Variants in RPSA2 observed in about 807,000 individuals in gnomAD.
RPSA2 encodes the protein ribosomal protein SA 2.
chr19:23,840,085 T>C, the RPSA2 span, among the ~76,000 whole-genome samples: 2 of 149,862 alleles, frequency 1.3e-5, no homozygotes, highest in East Asian at 3.9e-4. Flanking sequence ...TGAGAAGGAA[T>C]CAGAGAAGAG....
the RPSA2 span, among the ~76,000 whole-genome samples, chr19:23,766,354 T>A: frequency 1.3e-5 from 2 of 151,546 alleles, no homozygotes; most frequent in Non-Finnish European, 2.9e-5. Flanking sequence ...TTTAAAAAAA[T>A]TTTACCTCTT....
At chr19:23,806,001 G>GTCTATCTA in the RPSA2 span, among the ~76,000 whole-genome samples, 433 of 132,772 alleles carry the variant, frequency 3.3e-3, 3 homozygotes, top group African/African-American at 0.012. Flanking sequence ...CTATCTGTCT[G>GTCTATCTA]TCTATCTATC....
At chr19:23,816,211 T>G in the RPSA2 span, among the ~76,000 whole-genome samples, 1 of 152,140 alleles carries the variant, frequency 6.6e-6, no homozygotes, top group Non-Finnish European at 1.5e-5. Context: ...CATGGCTCAC[T>G]GCAGCCTCAA....
chr19:23,857,545 C>T, the RPSA2 span, among the ~76,000 whole-genome samples: 1 of 131,660 alleles, frequency 7.6e-6, no homozygotes, highest in East Asian at 2.4e-4. Context: ...GGCTAGAGTG[C>T]AGTGGTTCAA....
At chr19:23,824,073 A>G in the RPSA2 span, among the ~76,000 whole-genome samples, 1 of 152,326 alleles carries the variant, frequency 6.6e-6, no homozygotes, top group South Asian at 2.1e-4. Context: ...GCCCTGGACA[A>G]GTACAGGGCT....
chr19:23,810,880 A>G, the RPSA2 span, among the ~76,000 whole-genome samples: 2 of 152,194 alleles, frequency 1.3e-5, no homozygotes, highest in African/African-American at 4.8e-5. Flanking sequence ...TCTGTAGCCA[A>G]CAACAGTAGT....
the RPSA2 span, among the ~76,000 whole-genome samples, chr19:23,765,126 A>G: frequency 6.6e-6 from 1 of 152,194 alleles, no homozygotes; most frequent in Non-Finnish European, 1.5e-5. Flanking sequence ...CTATTTGTCT[A>G]AAAAGCTAAC....
At chr19:23,774,355 C>T in the RPSA2 span, among the ~76,000 whole-genome samples, 23 of 152,166 alleles carry the variant, frequency 1.5e-4, no homozygotes, top group African/African-American at 5.3e-4. Context: ...ACTCTCTTCT[C>T]CTGCCTGTTC....
chr19:23,761,078 GTA>G, the RPSA2 span, among the ~76,000 whole-genome samples: 1 of 32,710 alleles, frequency 3.1e-5, no homozygotes, highest in African/African-American at 1.0e-4. Context: ...TTGTGTGTGT[GTA>G]TATATATATG....
chr19:23,788,768 G>C, the RPSA2 span, among the ~76,000 whole-genome samples: 1 of 152,128 alleles, frequency 6.6e-6, no homozygotes, highest in Non-Finnish European at 1.5e-5. Context: ...GGGATGGGAA[G>C]CTCCTCCCTG....
chr19:23,819,823 A>C, the RPSA2 span, among the ~76,000 whole-genome samples: 1 of 152,028 alleles, frequency 6.6e-6, no homozygotes, highest in Non-Finnish European at 1.5e-5. Context: ...TAGCTGTTTG[A>C]GTGTCTGGTT....
chr19:23,808,272 A>AATTTTTTTTTTTT, the RPSA2 span, among the ~76,000 whole-genome samples: 9 of 126,928 alleles, frequency 7.1e-5, 2 homozygotes, highest in East Asian at 2.3e-4. Context: ...TACAAAATTA[A>AATTTTTTTTTTTT]TTTTTTTTTT....
the RPSA2 span, among the ~76,000 whole-genome samples, chr19:23,854,565 A>G: frequency 6.6e-6 from 1 of 152,160 alleles, no homozygotes; most frequent in Non-Finnish European, 1.5e-5. Context: ...TTCTGTGGCA[A>G]GGGATTTCCA....
the RPSA2 span, among the ~76,000 whole-genome samples, chr19:23,790,928 A>G: frequency 6.6e-6 from 1 of 152,156 alleles, no homozygotes; most frequent in African/African-American, 2.4e-5. Context: ...CCCTGCAGCC[A>G]TAAGATGGCA....
the RPSA2 span, among the ~76,000 whole-genome samples, chr19:23,789,453 C>G: frequency 6.6e-6 from 1 of 152,184 alleles, no homozygotes; most frequent in Non-Finnish European, 1.5e-5. Context: ...GACTCTTCTG[C>G]TTACTCTCTA....
chr19:23,861,707 C>T, the RPSA2 span, among the ~76,000 whole-genome samples: 1 of 152,140 alleles, frequency 6.6e-6, no homozygotes, highest in Admixed American at 6.5e-5. Flanking sequence ...ACACCAATCT[C>T]CATTCCTGAC....
chr19:23,787,201 C>G, the RPSA2 span, among the ~76,000 whole-genome samples: 3 of 152,080 alleles, frequency 2.0e-5, no homozygotes, highest in African/African-American at 7.2e-5. Flanking sequence ...CAATTTGTGA[C>G]TCTTCTGCCT....
chr19:23,832,379 A>C, the RPSA2 span: 1 of 500,252 alleles, frequency 2.0e-6, no homozygotes, highest in Middle Eastern at 3.4e-4. Context: ...CATACTAGAC[A>C]GAAACCCTAC....
At chr19:23,815,245 G>C in the RPSA2 span, among the ~76,000 whole-genome samples, 3 of 152,138 alleles carry the variant, frequency 2.0e-5, no homozygotes, top group African/African-American at 7.2e-5. Context: ...GGAAAGTTTT[G>C]TACTCATGTG....
Sources: gnomAD v4.1 joint callset for allele counts (sites outside exome capture counted in the v4.1 genomes callset) on GRCh38, gnomAD v4.1.1 for gene constraint, MANE v1.5 for transcripts, NCBI Gene and HGNC (gene_info 2026-07-23, HGNC 2026-07-21) for gene names.